The following PPFIA1 variants were observed in gnomAD, a reference collection of about 807,000 sequenced individuals.
The protein encoded by PPFIA1 is liprin-alpha-1.
Under a neutral mutation model 149.9 loss-of-function variants are expected in PPFIA1, and 25 were observed. The ratio of observed to expected loss-of-function variants is 0.17; its 90% CI spans 0.12 to 0.23. The LOEUF is 0.23. PPFIA1 is among the 10% of genes least tolerant of loss of function. The probability of loss-of-function intolerance (pLI) is 1.00; values close to 1 mark genes in which losing one functional copy is unlikely to be tolerated. For synonymous variants in PPFIA1, 549 were observed against 552.8 expected (o/e 0.99, Z 0.10); for missense variants, 1,362 against 1,506.5 (o/e 0.90, Z 1.59).
intron 26 of PPFIA1, among the ~76,000 whole-genome samples, chr11:70,380,238 C>T (rs993194175): frequency 2.7e-5 from 4 of 148,442 alleles, no homozygotes; most frequent in African/African-American, 1.0e-4. Flanking sequence ...TGAGACCAGC[C>T]TGGCCAACGT....
chr11:70,315,989 G>A (rs139508723), intron 2 of PPFIA1, among the ~76,000 whole-genome samples: 1 of 151,906 alleles, frequency 6.6e-6, no homozygotes, highest in Admixed American at 6.6e-5. Flanking sequence ...TTGTCTTTTC[G>A]TGACTGGCTT....
At chr11:70,298,876 G>A (rs1196485416) in intron 2 of PPFIA1, among the ~76,000 whole-genome samples, 3 of 152,222 alleles carry the variant, frequency 2.0e-5, no homozygotes, top group Non-Finnish European at 4.4e-5. Flanking sequence ...CAGTAATTTA[G>A]AGGGTAAGTG....
At chr11:70,284,470 C>T (rs959911863) in intron 2 of PPFIA1, among the ~76,000 whole-genome samples, 4 of 150,678 alleles carry the variant, frequency 2.7e-5, no homozygotes, top group Admixed American at 6.6e-5. Context: ...TGAATATTAC[C>T]GTTCTAGGCT....
At chr11:70,326,451 C>A in intron 6 of PPFIA1, 88 bp downstream of exon 6, 2 of 1,342,496 alleles carry the variant, frequency 1.5e-6, no homozygotes, top group Non-Finnish European at 2.1e-6. Flanking sequence ...TGCTAAAGTA[C>A]CGGCTTAGAG....
intron 2 of PPFIA1, chr11:70,278,909 C>A (rs2050574819): frequency 3.4e-6 from 2 of 583,340 alleles, no homozygotes; most frequent in Admixed American, 4.2e-5. Flanking sequence ...ATCCAGGCAG[C>A]CTTTAGACAG....
intron 1 of PPFIA1, among the ~76,000 whole-genome samples, chr11:70,271,544 C>T (rs2050092836): frequency 6.6e-6 from 1 of 151,802 alleles, no homozygotes; most frequent in Non-Finnish European, 1.5e-5. Flanking sequence ...TGTAAACTTA[C>T]GTAAGTTAGG....
At chr11:70,372,188 C>CT in intron 21 of PPFIA1, 27 bp from the exon 22 acceptor site, 1 of 1,580,040 alleles carries the variant, frequency 6.3e-7, no homozygotes, top group Non-Finnish European at 8.6e-7. Flanking sequence ...TCCTCTGTAA[C>CT]TGACCTTTTC....
At chr11:70,350,697 TTAGAA>T (rs1215284893) in intron 16 of PPFIA1, among the ~76,000 whole-genome samples, 3 of 152,208 alleles carry the variant, frequency 2.0e-5, no homozygotes, top group Non-Finnish European at 4.4e-5. Context: ...GAGGTTTGGC[TTAGAA>T]TAGATGATTG....
chr11:70,332,241 T>C (rs1462355069), intron 9 of PPFIA1, 147 bp downstream of exon 9: 2 of 1,001,618 alleles, frequency 2.0e-6, no homozygotes. Flanking sequence ...TCATCTGAGA[T>C]TGGAACACTT....
intron 2 of PPFIA1, among the ~76,000 whole-genome samples, chr11:70,285,692 A>C (rs927276403): frequency 4.6e-5 from 7 of 151,888 alleles, no homozygotes; most frequent in African/African-American, 1.7e-4. Context: ...AAAAAAAAAA[A>C]AAACCTCTTA....
intron 2 of PPFIA1, among the ~76,000 whole-genome samples, chr11:70,280,824 T>C (rs2050718143): frequency 6.6e-6 from 1 of 152,204 alleles, no homozygotes; most frequent in African/African-American, 2.4e-5. Flanking sequence ...TACCTTGACA[T>C]GTCAAAGCAC....
intron 2 of PPFIA1, among the ~76,000 whole-genome samples, chr11:70,303,998 C>T (rs1293454334): frequency 1.3e-5 from 2 of 150,072 alleles, no homozygotes; most frequent in African/African-American, 2.5e-5. Flanking sequence ...AGCGAGACTT[C>T]GTCTCAAAAA....
chr11:70,352,144 G>C (rs1043521546), intron 16 of PPFIA1, among the ~76,000 whole-genome samples: 2 of 152,244 alleles, frequency 1.3e-5, no homozygotes, highest in African/African-American at 4.8e-5. Context: ...GTCAGCAGCT[G>C]TCTGTGAGCT....
intron 21 of PPFIA1, chr11:70,363,172 G>C (rs2056749476): frequency 6.6e-6 from 1 of 152,210 alleles, no homozygotes; most frequent in Non-Finnish European, 1.5e-5. Flanking sequence ...AAATGAATCT[G>C]TAAAGTCAGC....
chr11:70,380,338 C>T (rs1006881680), intron 26 of PPFIA1, among the ~76,000 whole-genome samples: 5 of 148,858 alleles, frequency 3.4e-5, no homozygotes, highest in East Asian at 2.0e-4. Flanking sequence ...GAGGCCAAGG[C>T]GGGAGGATCA....
chr11:70,304,621 C>T (rs988963962), intron 2 of PPFIA1, among the ~76,000 whole-genome samples: 1 of 152,162 alleles, frequency 6.6e-6, no homozygotes, highest in Admixed American at 6.5e-5. Context: ...CAACCTGGGA[C>T]TTGTACTTGG....
chr11:70,362,572 C>G, intron 21 of PPFIA1, 84 bp downstream of exon 21: 1 of 1,377,826 alleles, frequency 7.3e-7, no homozygotes, highest in Non-Finnish European at 9.8e-7. Flanking sequence ...CATTGCTTCT[C>G]CAGTTCCTTA....
At chr11:70,365,846 G>C in intron 21 of PPFIA1, 1 of 424,086 alleles carries the variant, frequency 2.4e-6, no homozygotes, top group Non-Finnish European at 4.7e-6. Context: ...ACTCAGTGAA[G>C]CTGCATCTTC....
Position 70,328,589 on chromosome 11 carries a change from A to G in PPFIA1, c.931-1584A>G, listed in dbSNP as rs935396753. Among the ~76,000 whole-genome samples, 5 of 152,128 alleles carry G rather than the reference A, an allele frequency of 3.3e-5. No individual in the cohort carries two copies. In the South Asian group the frequency reaches 8.3e-4, roughly 25 times the overall value. ...CAACGATTTATATTCCTTTGGGTAT[A>G]TACCCCGTAATGGGATTTCTGGGTT... On this transcript the variant is annotated intron_variant, in intron 7 of 27. Coordinates refer to ENST00000253925, the MANE Select transcript of PPFIA1 (RefSeq NM_003626.5).
Sources: gnomAD v4.1 joint callset for allele counts (sites outside exome capture counted in the v4.1 genomes callset) on GRCh38, gnomAD v4.1.1 for gene constraint, MANE v1.5 for transcripts, NCBI Gene and HGNC (gene_info 2026-07-23, HGNC 2026-07-21) for gene names.